Variants in CNTN4 observed in about 807,000 individuals in gnomAD.
CNTN4 encodes contactin-4.
CNTN4 carries 77 observed loss-of-function variants against 122.5 expected under a neutral mutation model. The ratio of observed to expected loss-of-function variants is 0.63; its 90% CI spans 0.52 to 0.76. The LOEUF is 0.76. Among genes scored for constraint, CNTN4 ranks in the 30% least tolerant of loss-of-function variants. CNTN4 has a pLI of 0.00. For missense variants in CNTN4, 1,256 were observed against 1,259.1 expected (o/e 1.00, Z 0.04); for synonymous variants, 512 against 447.0 (o/e 1.15, Z -1.83).
intron 4 of CNTN4, among the ~76,000 whole-genome samples, chr3:2,606,491 T>TTAAAA (rs1486308757): frequency 6.6e-6 from 1 of 152,110 alleles, no homozygotes; most frequent in Non-Finnish European, 1.5e-5. Flanking sequence ...ATCCCGGAAC[T>TTAAAA]TAAAATAAAA....
chr3:2,797,680 GT>G (rs2092231640), intron 6 of CNTN4, among the ~76,000 whole-genome samples: 1 of 152,144 alleles, frequency 6.6e-6, no homozygotes, highest in Admixed American at 6.5e-5. Flanking sequence ...TTACTGCAAA[GT>G]TTTTTTGTGC....
rs75040856 is a variant in CNTN4, at chr3:2,541,746, C to T, written c.-88-29670C>T. Among the ~76,000 whole-genome samples, 149 of 152,206 alleles carry T rather than the reference C, an allele frequency of 9.8e-4. 2 individuals are homozygous for T. The East Asian group carries it at 0.026, about 27-fold the overall frequency. On this transcript the variant is annotated intron_variant, in intron 3 of 24. Coordinates refer to ENST00000418658, the MANE Select transcript of CNTN4 (RefSeq NM_175607.3). ...AGTATATGTCAGATTGTTCTCAGACCGCCAAGGGCAAAAATATGTGCTGAG... is the reference window on the plus strand; with the variant it reads ...AGTATATGTCAGATTGTTCTCAGACTGCCAAGGGCAAAAATATGTGCTGAG...
intron 2 of CNTN4, among the ~76,000 whole-genome samples, chr3:2,300,796 A>G (rs899834134): frequency 2.0e-5 from 3 of 151,814 alleles, no homozygotes; most frequent in East Asian, 3.9e-4. Context: ...GTCTCCATCA[A>G]CAGACCTTGT....
At position 3,053,887 on chromosome 3, in the gene CNTN4, C is replaced by T. The variant is rs748149654; in HGVS notation, c.2892C>T (p.Phe964=). ...NKTSVELSLP[F]DEDYIIEIKP... is the part of the protein sequence containing the mutation. The stretch of plus-strand genomic sequence containing the variant: ...CATCGGTGGAGCTTTCTTTGCCTTT[C>T]GATGAAGATTATATAATAGAAATTA... Residue 964 remains phenylalanine, a synonymous_variant, in exon 24 of 25, where the codon TTC becomes TTT. Transcript: ENST00000418658. 24 of 1,613,928 alleles carry T rather than the reference C, an allele frequency of 1.5e-5. No individual in the cohort carries two copies. Among genetic ancestry groups the T allele is most frequent in the African/African-American group, 8.0e-5 (6 of 74,902 alleles).
intron 4 of CNTN4, among the ~76,000 whole-genome samples, chr3:2,658,776 C>G (rs2083717011): frequency 6.6e-6 from 1 of 152,018 alleles, no homozygotes; most frequent in South Asian, 2.1e-4. Flanking sequence ...GTGACTTGCC[C>G]AGGCCTGATT....
intron 4 of CNTN4, among the ~76,000 whole-genome samples, chr3:2,618,664 G>A (rs2081874804): frequency 6.6e-6 from 1 of 152,080 alleles, no homozygotes; most frequent in Non-Finnish European, 1.5e-5. Context: ...TCAGGCTCTG[G>A]AGTCATTGCT....
chr3:2,632,531 A>G (rs2082489613), intron 4 of CNTN4, among the ~76,000 whole-genome samples: 1 of 152,162 alleles, frequency 6.6e-6, no homozygotes, highest in Admixed American at 6.6e-5. Context: ...AGAGTTGCAC[A>G]TTTATGTCTC....
At chr3:2,895,757 G>C (rs1024560361) in intron 10 of CNTN4, among the ~76,000 whole-genome samples, 1 of 152,218 alleles carries the variant, frequency 6.6e-6, no homozygotes, top group Non-Finnish European at 1.5e-5. Context: ...AGGAGGGGCT[G>C]GGCGCAGTGG....
chr3:2,828,430 C>T (rs960004522), intron 7 of CNTN4, among the ~76,000 whole-genome samples: 3 of 152,122 alleles, frequency 2.0e-5, no homozygotes, highest in Non-Finnish European at 4.4e-5. Flanking sequence ...TGTAGGATCT[C>T]GTCATCTGGT....
At chr3:2,193,070 A>C (rs1482355630) in intron 2 of CNTN4, among the ~76,000 whole-genome samples, 1 of 152,112 alleles carries the variant, frequency 6.6e-6, no homozygotes, top group African/African-American at 2.4e-5. Context: ...TCCCTTACTT[A>C]TGATGCATCT....
chr3:2,415,664 C>CT (rs2047385852), intron 3 of CNTN4, among the ~76,000 whole-genome samples: 1 of 152,056 alleles, frequency 6.6e-6, no homozygotes, highest in African/African-American at 2.4e-5. Context: ...TTTCCTTTGC[C>CT]TTTTCCTATT....
intron 2 of CNTN4, among the ~76,000 whole-genome samples, chr3:2,315,981 A>T (rs964993834): frequency 6.6e-6 from 1 of 152,082 alleles, no homozygotes; most frequent in African/African-American, 2.4e-5. Flanking sequence ...AAACTTATTT[A>T]TCTTGAGACT....
chr3:2,186,759 C>A (rs978127094), intron 2 of CNTN4, among the ~76,000 whole-genome samples: 11 of 152,148 alleles, frequency 7.2e-5, no homozygotes, highest in Admixed American at 3.9e-4. Flanking sequence ...ATATCCTTTG[C>A]CCACTTTTTG....
At chr3:2,770,666 A>T (rs2091058231) in intron 6 of CNTN4, among the ~76,000 whole-genome samples, 1 of 152,264 alleles carries the variant, frequency 6.6e-6, no homozygotes, top group Admixed American at 6.5e-5. Flanking sequence ...AGGGCTAGAG[A>T]TAATCAGTGG....
intron 13 of CNTN4, among the ~76,000 whole-genome samples, chr3:2,968,455 T>C (rs768453128): frequency 6.6e-6 from 1 of 152,236 alleles, no homozygotes; most frequent in Non-Finnish European, 1.5e-5. Flanking sequence ...CCCAGTTTGG[T>C]TGATGCACTC....
intron 3 of CNTN4, among the ~76,000 whole-genome samples, chr3:2,513,554 T>C (rs911491711): frequency 6.6e-6 from 1 of 152,152 alleles, no homozygotes; most frequent in Non-Finnish European, 1.5e-5. Context: ...ACGATTGCCT[T>C]CTGTAGAGGA....
intron 2 of CNTN4, among the ~76,000 whole-genome samples, chr3:2,326,937 A>C (rs1575381586): frequency 6.6e-6 from 1 of 152,138 alleles, no homozygotes; most frequent in South Asian, 2.1e-4. Context: ...TCAATTTTCT[A>C]CCTATAAAGC....
intron 3 of CNTN4, among the ~76,000 whole-genome samples, chr3:2,467,774 A>G (rs2075555569): frequency 6.6e-6 from 1 of 152,232 alleles, no homozygotes; most frequent in Admixed American, 6.5e-5. Context: ...ACCAAATGTG[A>G]CAGAGACAGA....
chr3:2,218,162 CAA>C (rs1237425845), intron 2 of CNTN4, among the ~76,000 whole-genome samples: 1 of 152,036 alleles, frequency 6.6e-6, no homozygotes, highest in African/African-American at 2.4e-5. Context: ...TAGGAAGAGA[CAA>C]TAACGGCTTT....
Sources: gnomAD v4.1 joint callset for allele counts (sites outside exome capture counted in the v4.1 genomes callset) on GRCh38, gnomAD v4.1.1 for gene constraint, MANE v1.5 for transcripts, NCBI Gene and HGNC (gene_info 2026-07-23, HGNC 2026-07-21) for gene names.